Variants in DYNC2I1 observed in about 807,000 individuals in gnomAD.
DYNC2I1 encodes the protein dynein 2 intermediate chain 1.
DYNC2I1 carries 89 observed loss-of-function variants against 133.4 expected under a neutral mutation model. That is an observed-to-expected ratio of 0.67 (90% confidence interval 0.56 to 0.80). DYNC2I1 has a LOEUF of 0.80. Among genes scored for constraint, DYNC2I1 ranks in the 30% least tolerant of loss-of-function variants. DYNC2I1 has a pLI of 0.00. For missense variants in DYNC2I1, 1,291 were observed against 1,314.5 expected, an observed-to-expected ratio of 0.98 and a Z score of 0.28; for synonymous variants, 504 against 484.3, an observed-to-expected ratio of 1.04 and a Z score of -0.54.
At chr7:158,957,615 G>A (rs146763700), downstream of DYNC2I1, among the ~76,000 whole-genome samples, 5 of 152,128 alleles carry the variant, frequency 3.3e-5, no homozygotes, top group Admixed American at 2.0e-4. Context: ...TAATCTCAGC[G>A]ATTCCAGCTG....
At chr7:158,953,758 G>A (rs753659420) in intron 4 of DYNC2I1, among the ~76,000 whole-genome samples, 1 of 152,056 alleles carries the variant, frequency 6.6e-6, no homozygotes, top group Non-Finnish European at 1.5e-5. Flanking sequence ...ACATATATGT[G>A]TAATAAGTAC....
chr7:158,921,762 G>T (rs376378181), intron 15 of DYNC2I1, among the ~76,000 whole-genome samples: 1 of 152,122 alleles, frequency 6.6e-6, no homozygotes, highest in Admixed American at 6.5e-5. Context: ...GCCTGCCAGC[G>T]GTGCGGTCCA....
the DYNC2I1 span, among the ~76,000 whole-genome samples, chr7:158,850,060 A>G: frequency 6.6e-6 from 1 of 152,234 alleles, no homozygotes; most frequent in Non-Finnish European, 1.5e-5. Flanking sequence ...AGCAGGCGCT[A>G]GGAGCAGAGA....
chr7:158,954,125 C>T (rs556970931), intron 4 of DYNC2I1, among the ~76,000 whole-genome samples: 1 of 152,178 alleles, frequency 6.6e-6, no homozygotes, highest in East Asian at 1.9e-4. Context: ...CCTGCACACA[C>T]GCTCCTGTCT....
chr7:158,948,579 C>T (rs1851957895), downstream of DYNC2I1, among the ~76,000 whole-genome samples: 1 of 85,054 alleles, frequency 1.2e-5, no homozygotes, highest in Non-Finnish European at 2.0e-5. Context: ...GGGAGGTGCT[C>T]AGTGAAGGTG....
intron 8 of DYNC2I1, among the ~76,000 whole-genome samples, chr7:158,899,802 C>T (rs1276386444): frequency 6.6e-6 from 1 of 152,166 alleles, no homozygotes; most frequent in Admixed American, 6.5e-5. Flanking sequence ...GCCTCCCCAG[C>T]CATGTGGAAC....
intron 20 of DYNC2I1, 78 bp downstream of exon 20, chr7:158,927,121 G>C: frequency 9.4e-7 from 1 of 1,063,414 alleles, no homozygotes; most frequent in Non-Finnish European, 1.4e-6. Context: ...ACTGCGGTCA[G>C]GTGCAGTGGC....
the DYNC2I1 span, among the ~76,000 whole-genome samples, chr7:158,850,222 G>A: frequency 1.1e-4 from 17 of 152,128 alleles, no homozygotes; most frequent in African/African-American, 2.9e-4. Flanking sequence ...GGGAGCTCCC[G>A]CCCCACCAAC....
chr7:158,856,577 G>GCTGGGCAGTGCTTCTGGGCCCT lies in DYNC2I1; in HGVS notation c.-155_-134dup, dbSNP rs1395608374. On this transcript the variant is annotated 5_prime_UTR_variant, in exon 1 of 25. Coordinates refer to ENST00000407559, the MANE Select transcript of DYNC2I1 (RefSeq NM_018051.5). ...CGCACTGGGAGAGGCCGCAGGGCACGCTGGGCAGTGCTTCTGGGCCCTCTG... is the reference window on the plus strand; with the variant it reads ...CGCACTGGGAGAGGCCGCAGGGCACGCTGGGCAGTGCTTCTGGGCCCTCTGGGCAGTGCTTCTGGGCCCTCTG... 2.9e-3 allele frequency: 2,038 copies of GCTGGGCAGTGCTTCTGGGCCCT among 705,730 alleles called. 13 individuals carry two copies. Among genetic ancestry groups the GCTGGGCAGTGCTTCTGGGCCCT allele is most frequent in the Non-Finnish European group, 3.2e-3 (1,628 of 509,090 alleles). 43.7% of individuals were successfully genotyped at this position (705,730 alleles called of 1,614,324 possible). A position where few individuals can be genotyped will look rare whatever the true frequency, so the allele number is the denominator to read the frequency against.
At chr7:158,866,365 A>G (rs1842406744) in intron 1 of DYNC2I1, among the ~76,000 whole-genome samples, 2 of 147,184 alleles carry the variant, frequency 1.4e-5, no homozygotes, top group African/African-American at 5.1e-5. Context: ...ACTGTCCCTG[A>G]GTGTCCTGGG....
intron 5 of DYNC2I1, among the ~76,000 whole-genome samples, chr7:158,881,563 C>T (rs1175364709): frequency 1.3e-5 from 2 of 152,300 alleles, no homozygotes; most frequent in African/African-American, 4.8e-5. Flanking sequence ...ACGCCATTCT[C>T]CTGCCTCAGC....
downstream of DYNC2I1, among the ~76,000 whole-genome samples, chr7:158,948,271 G>A (rs543976578): frequency 1.3e-5 from 2 of 152,378 alleles, no homozygotes; most frequent in Middle Eastern, 3.4e-3. Context: ...CAGCAAGGCC[G>A]CTTCCACACG....
At chr7:158,844,286 CGTTAACCA>C in the DYNC2I1 span, among the ~76,000 whole-genome samples, 225 of 152,212 alleles carry the variant, frequency 1.5e-3, 2 homozygotes, top group Non-Finnish European at 2.8e-3. Flanking sequence ...CTCTTGTGTT[CGTTAACCA>C]AAATGCAAGA....
At chr7:158,948,849 T>C (rs1375514425), downstream of DYNC2I1, among the ~76,000 whole-genome samples, 6 of 152,038 alleles carry the variant, frequency 3.9e-5, no homozygotes, top group Non-Finnish European at 7.4e-5. Context: ...AGTAGGAAAT[T>C]TAAGTTTTGG....
chr7:158,908,360 A>G (rs1847051613), intron 11 of DYNC2I1, among the ~76,000 whole-genome samples: 1 of 152,202 alleles, frequency 6.6e-6, no homozygotes, highest in Non-Finnish European at 1.5e-5. Flanking sequence ...AATAAAAAGA[A>G]TAAAAATTAA....
chr7:158,934,104 T>G, intron 21 of DYNC2I1, 25 bp from the exon 22 acceptor site: 3 of 1,397,164 alleles, frequency 2.1e-6, no homozygotes, highest in Non-Finnish European at 2.9e-6. Context: ...GTCCATCTGT[T>G]CATTTTGTTA....
chr7:158,921,264 C>T (rs1474578152), intron 15 of DYNC2I1, among the ~76,000 whole-genome samples: 6 of 152,144 alleles, frequency 3.9e-5, no homozygotes, highest in East Asian at 1.9e-4. Context: ...AGGCGCTGCA[C>T]GCACACAGGT....
intron 1 of DYNC2I1, among the ~76,000 whole-genome samples, chr7:158,858,324 T>C (rs1841507367): frequency 6.6e-6 from 1 of 152,224 alleles, no homozygotes; most frequent in Non-Finnish European, 1.5e-5. Flanking sequence ...TACGTTTTCA[T>C]TGCAGAACCA....
At chr7:158,924,180 C>G (rs1213451326) in intron 17 of DYNC2I1, among the ~76,000 whole-genome samples, 5 of 152,264 alleles carry the variant, frequency 3.3e-5, no homozygotes, top group Non-Finnish European at 5.9e-5. Context: ...CAGTAGGCAC[C>G]TGGCATAAGT....
Sources: gnomAD v4.1 joint callset for allele counts (sites outside exome capture counted in the v4.1 genomes callset) on GRCh38, gnomAD v4.1.1 for gene constraint, MANE v1.5 for transcripts, NCBI Gene and HGNC (gene_info 2026-07-23, HGNC 2026-07-21) for gene names.